Variants in RSPH1 observed in about 807,000 individuals in gnomAD.
RSPH1 encodes radial spoke head component 1.
A neutral mutation model predicts 44.2 loss-of-function variants in RSPH1; 32 were observed. The observed-to-expected ratio is 0.72, with a 90% confidence interval of 0.55 to 0.97. The LOEUF is 0.97. Among genes scored for constraint, RSPH1 ranks in the 50% least tolerant of loss-of-function variants. RSPH1 has a pLI of 0.00. For missense variants in RSPH1, 391 were observed against 398.7 expected (o/e 0.98, Z 0.16); for synonymous variants, 134 against 147.3 (o/e 0.91, Z 0.65).
chr21:42,484,252 A>C (rs570402918), intron 5 of RSPH1, among the ~76,000 whole-genome samples: 1 of 152,348 alleles, frequency 6.6e-6, no homozygotes, highest in Admixed American at 6.5e-5. Context: ...ATCGATGAGA[A>C]TATATGATAA....
At chr21:42,494,716 T>G (rs2054269855) in intron 1 of RSPH1, among the ~76,000 whole-genome samples, 1 of 151,862 alleles carries the variant, frequency 6.6e-6, no homozygotes. Flanking sequence ...TTTTTTTTTT[T>G]TTTGAGACAG....
At chr21:42,476,997 CCA>C (rs2054061347) in intron 7 of RSPH1, among the ~76,000 whole-genome samples, 1 of 56,990 alleles carries the variant, frequency 1.8e-5, no homozygotes, top group Non-Finnish European at 4.0e-5. Flanking sequence ...ACCCTCTGTC[CCA>C]CAGCCCGGGG....
rs1172773659 is a variant in RSPH1, at chr21:42,472,495, G to A, written c.*323C>T. 5.5e-6 allele frequency: 1 copy of A among 183,440 alleles called. No individual in the cohort carries two copies. Among genetic ancestry groups the A allele is most frequent in the Non-Finnish European group, 1.1e-5 (1 of 88,982 alleles). 11.4% of individuals were successfully genotyped at this position (183,440 alleles called of 1,614,324 possible). A position where few individuals can be genotyped will look rare whatever the true frequency, so the allele number is the denominator to read the frequency against. ...CTTGAAGCAGAGGCTATTTCAGAAAGAAAGGATAATAAAGACGTTTATTTG... is the reference window on the plus strand; with the variant it reads ...CTTGAAGCAGAGGCTATTTCAGAAAAAAAGGATAATAAAGACGTTTATTTG... On this transcript the variant is annotated 3_prime_UTR_variant, in exon 9 of 9. Coordinates refer to ENST00000291536, the MANE Select transcript of RSPH1 (RefSeq NM_080860.4).
At chr21:42,484,925 A>G (rs2054163306) in intron 5 of RSPH1, 1 of 152,184 alleles carries the variant, frequency 6.6e-6, no homozygotes. Flanking sequence ...AGAGAGTCTG[A>G]AGAGACTTCG....
At chr21:42,475,833 G>A in intron 8 of RSPH1, 65 bp downstream of exon 8, 1 of 1,562,982 alleles carries the variant, frequency 6.4e-7, no homozygotes, top group Non-Finnish European at 8.7e-7. Context: ...AAGGGAAGGG[G>A]AATCCCACTG....
intron 5 of RSPH1, chr21:42,485,214 G>A (rs912816857): frequency 6.4e-6 from 1 of 157,352 alleles, no homozygotes; most frequent in African/African-American, 2.4e-5. Flanking sequence ...ACAACTAGGA[G>A]CACGCAGGCT....
At chr21:42,476,759 A>G (rs367947433) in intron 7 of RSPH1, among the ~76,000 whole-genome samples, 6 of 152,152 alleles carry the variant, frequency 3.9e-5, no homozygotes, top group Admixed American at 2.6e-4. Context: ...TGTGGAGGCC[A>G]CACCTCCGCC....
chr21:42,491,374 G>A (rs1358464048), intron 3 of RSPH1, among the ~76,000 whole-genome samples: 1 of 152,170 alleles, frequency 6.6e-6, no homozygotes, highest in Non-Finnish European at 1.5e-5. Flanking sequence ...GAAAATCCAT[G>A]CATTTGGTGT....
At position 42,490,156 on chromosome 21, in the gene RSPH1, C is replaced by T. The variant is rs554389025; in HGVS notation, c.274+2602G>A. On this transcript the variant is annotated intron_variant, in intron 3 of 8. Transcript: ENST00000291536. ...CATCCCCCACTACCCCTAAAAACCT[C>T]GGCCTTCCTGCCTGTATCCAAGTCA... is the stretch of plus-strand genomic sequence containing the variant. 5.3e-5 allele frequency among the ~76,000 whole-genome samples: 8 copies of T among 151,144 alleles called. No individual in the cohort carries two copies. The South Asian group carries it at 8.5e-4, about 16-fold the overall frequency.
chr21:42,481,715 A>T (rs2146650466), intron 6 of RSPH1, among the ~76,000 whole-genome samples: 1 of 152,328 alleles, frequency 6.6e-6, no homozygotes, highest in Non-Finnish European at 1.5e-5. Context: ...GGGTCAGGAA[A>T]TGTTGCTGAA....
At position 42,485,728 on chromosome 21, in the gene RSPH1, C is replaced by T; in HGVS notation, c.442G>A (p.Gly148Ser). 6.2e-7 allele frequency: 1 copy of T among 1,614,186 alleles called. No homozygotes were observed. The highest frequency in any genetic ancestry group is 8.5e-7 in the Non-Finnish European group (1 of 1,180,028). Residue 148 changes from glycine to serine, a missense_variant, in exon 5 of 9, where the codon GGC becomes AGC. Physicochemically the swap from Gly to Ser is moderately conservative, Grantham distance 56 (BLOSUM62 0). Coordinates refer to ENST00000291536, the MANE Select transcript of RSPH1 (RefSeq NM_080860.4). ...TTCAGGTGAATGAGCTCGGCCGTGCCCTCCTGCTGTCCGTTCACCCAGGTG... is the reference window on the plus strand; with the variant it reads ...TTCAGGTGAATGAGCTCGGCCGTGCTCTCCTGCTGTCCGTTCACCCAGGTG... Reference protein sequence around the residue: ...VGTWVNGQQEGTAELIHLNHR... With the variant: ...VGTWVNGQQESTAELIHLNHR...
intron 6 of RSPH1, 89 bp downstream of exon 6, chr21:42,482,548 G>T: frequency 1.1e-6 from 1 of 903,140 alleles, no homozygotes; most frequent in Non-Finnish European, 1.7e-6. Flanking sequence ...TAACTTTTAG[G>T]CGAATCACCT....
intron 3 of RSPH1, among the ~76,000 whole-genome samples, chr21:42,490,389 T>C (rs548033154): frequency 2.0e-5 from 3 of 152,358 alleles, no homozygotes; most frequent in South Asian, 2.1e-4. Flanking sequence ...TACACTGTTA[T>C]GAATAACTCA....
At chr21:42,491,425 T>C (rs2146662690) in intron 3 of RSPH1, among the ~76,000 whole-genome samples, 1 of 152,338 alleles carries the variant, frequency 6.6e-6, no homozygotes, top group African/African-American at 2.4e-5. Flanking sequence ...ATATTCAAAA[T>C]TCCTTAAATC....
rs113292261 is a variant in RSPH1 at position 42,483,019 on chromosome 21, TC to T, written c.502-312del. On this transcript the variant is annotated intron_variant, in intron 5 of 8. Transcript: ENST00000291536. ...AACTACTACTAATATTTTGATGCAT[TC>T]TTTGTAACTTTGCTTCTAGTATACA... Among the ~76,000 whole-genome samples, 239 of 152,340 alleles carry T rather than the reference TC, an allele frequency of 1.6e-3. 2 individuals are homozygous for T. Among genetic ancestry groups the T allele is most frequent in the African/African-American group, 5.3e-3 (222 of 41,562 alleles).
chr21:42,479,871 G>A (rs190859441), intron 6 of RSPH1, among the ~76,000 whole-genome samples: 115 of 152,232 alleles, frequency 7.6e-4, no homozygotes, highest in East Asian at 2.1e-3. Flanking sequence ...AGCACCCTGC[G>A]GTCCATGAAG....
intron 6 of RSPH1, 143 bp from the exon 7 acceptor site, chr21:42,477,587 G>C: frequency 1.3e-6 from 1 of 774,364 alleles, no homozygotes; most frequent in Non-Finnish European, 2.1e-6. Context: ...TCAGGAATCA[G>C]ACCAGTTGCT....
intron 1 of RSPH1, 125 bp downstream of exon 1, chr21:42,496,008 C>T: frequency 9.1e-7 from 1 of 1,097,736 alleles, no homozygotes; most frequent in Non-Finnish European, 1.4e-6. Context: ...TCGTCCCTGC[C>T]GGGGATCCTG....
intron 3 of RSPH1, among the ~76,000 whole-genome samples, chr21:42,490,026 C>A (rs1187798668): frequency 2.0e-5 from 3 of 152,248 alleles, no homozygotes; most frequent in African/African-American, 7.2e-5. Flanking sequence ...CTCTTTCTCC[C>A]CCTTAACCTC....
Sources: gnomAD v4.1 joint callset for allele counts (sites outside exome capture counted in the v4.1 genomes callset) on GRCh38, gnomAD v4.1.1 for gene constraint, MANE v1.5 for transcripts, NCBI Gene and HGNC (gene_info 2026-07-23, HGNC 2026-07-21) for gene names.